The following ROCK2 variants were observed in gnomAD, a reference collection of about 807,000 sequenced individuals.
The protein encoded by ROCK2 is rho-associated protein kinase 2.
In ROCK2, 61 loss-of-function variants were observed where a neutral mutation model predicts 195.1. The observed-to-expected ratio is 0.31, with a 90% CI of 0.25 to 0.39. The LOEUF (loss-of-function observed/expected upper bound fraction) is 0.39, where lower values mean the gene tolerates loss of function less well. Among genes scored for constraint, ROCK2 ranks in the 10% least tolerant of loss-of-function variants. The probability of loss-of-function intolerance (pLI) is 1.00; values close to 1 mark genes in which losing one functional copy is unlikely to be tolerated. For synonymous variants in ROCK2, 504 were observed against 545.5 expected, an observed-to-expected ratio of 0.92 and a Z score of 1.06; for missense variants, 1,109 against 1,637.4, an observed-to-expected ratio of 0.68 and a Z score of 5.57.
At chr2:11,292,759 T>C (rs1406437267) in intron 1 of ROCK2, among the ~76,000 whole-genome samples, 1 of 152,162 alleles carries the variant, frequency 6.6e-6, no homozygotes, top group Non-Finnish European at 1.5e-5. Context: ...ATAACTAAAA[T>C]AGTTGATATG....
At chr2:11,301,688 G>GA (rs548008606) in intron 1 of ROCK2, among the ~76,000 whole-genome samples, 225 of 150,340 alleles carry the variant, frequency 1.5e-3, no homozygotes, top group African/African-American at 5.2e-3. Flanking sequence ...TGAGGGAGGA[G>GA]AATCGCTTGA....
At chr2:11,260,448 C>CAAAA (rs35308782) in intron 3 of ROCK2, among the ~76,000 whole-genome samples, 3,276 of 91,314 alleles carry the variant, frequency 0.036, 112 homozygotes, top group Non-Finnish European at 0.051. Flanking sequence ...ACTCTGTCTC[C>CAAAA]AAAAAAAAAA....
intron 4 of ROCK2, among the ~76,000 whole-genome samples, chr2:11,240,877 C>CTT (rs1665401246): frequency 6.6e-6 from 1 of 152,098 alleles, no homozygotes; most frequent in African/African-American, 2.4e-5. Context: ...ATTTTGAAAA[C>CTT]TTAAATGTGC....
intron 25 of ROCK2, 58 bp downstream of exon 25, chr2:11,198,433 G>C: frequency 8.4e-7 from 1 of 1,195,880 alleles, no homozygotes; most frequent in Non-Finnish European, 1.2e-6. Context: ...GAAGTAAAAT[G>C]TAAAAGAGAT....
At chr2:11,195,229 A>G (rs936728862) in intron 27 of ROCK2, 1 of 333,042 alleles carries the variant, frequency 3.0e-6, no homozygotes, top group African/African-American at 2.1e-5. Flanking sequence ...AGGTTATATC[A>G]TATTGGAAAC....
chr2:11,345,306 G>T (rs1558413195), upstream of ROCK2, among the ~76,000 whole-genome samples: 1 of 152,168 alleles, frequency 6.6e-6, no homozygotes, highest in Non-Finnish European at 1.5e-5. Context: ...ACCGGAAAAA[G>T]GCTTTCCAGC....
At chr2:11,233,106 C>T (rs1460121988) in intron 5 of ROCK2, among the ~76,000 whole-genome samples, 1 of 151,956 alleles carries the variant, frequency 6.6e-6, no homozygotes, top group Non-Finnish European at 1.5e-5. Flanking sequence ...CCCAGCTACT[C>T]AGGAGGCTAA....
At chr2:11,337,500 G>A (rs1254659940) in intron 1 of ROCK2, among the ~76,000 whole-genome samples, 1 of 152,208 alleles carries the variant, frequency 6.6e-6, no homozygotes, top group African/African-American at 2.4e-5. Context: ...CATCATGAGG[G>A]AAATGCAAAT....
chr2:11,251,174 T>C (rs1665817597), intron 3 of ROCK2, among the ~76,000 whole-genome samples: 1 of 152,228 alleles, frequency 6.6e-6, no homozygotes. Context: ...TCGTACTTAT[T>C]ACCATCTTAC....
intron 18 of ROCK2, among the ~76,000 whole-genome samples, chr2:11,211,387 G>C (rs931379198): frequency 2.6e-5 from 4 of 152,090 alleles, no homozygotes; most frequent in African/African-American, 9.7e-5. Flanking sequence ...CGTATACCGA[G>C]TGGTACAGAT....
In ROCK2 at chr2:11,193,769, C is replaced by CT; in HGVS notation, c.3687+9dup. Reference sequence around the variant, plus strand: ...GCCAACCAACCAAATATAAACAAAACTATGTTTACCTGGAATATCCTTGGA... The same window carrying CT: ...GCCAACCAACCAAATATAAACAAAACTTATGTTTACCTGGAATATCCTTGGA... On this transcript the variant is annotated intron_variant, in intron 30 of 32. Coordinates refer to ENST00000315872, the MANE Select transcript of ROCK2 (RefSeq NM_004850.5). 6.6e-7 allele frequency: 1 copy of CT among 1,525,926 alleles called. No individual in the cohort carries two copies. The highest frequency in any genetic ancestry group is 2.4e-5 in the East Asian group (1 of 42,386). 94.5% of individuals were successfully genotyped at this position (1,525,926 alleles called of 1,614,324 possible).
intron 1 of ROCK2, among the ~76,000 whole-genome samples, chr2:11,335,435 CA>C (rs1668900843): frequency 6.6e-6 from 1 of 152,120 alleles, no homozygotes; most frequent in Non-Finnish European, 1.5e-5. Context: ...GCTAGTCCAC[CA>C]AGGGAAAATG....
In ROCK2 at chr2:11,254,702, T is replaced by G. The variant is rs1457039940; in HGVS notation, c.325-4904A>C. Among the ~76,000 whole-genome samples, 6 of 105,806 alleles carry G rather than the reference T, an allele frequency of 5.7e-5. No individual in the cohort carries two copies. In the Admixed American group the frequency reaches 8.8e-4, roughly 16 times the overall value. The allele number at this position is 105,806 out of a possible 152,430, so 69.4% of individuals were successfully genotyped here. On this transcript the variant is annotated intron_variant, in intron 3 of 32. Transcript: ENST00000315872. ...TTAAGCCCAAGAGTTTGAGACAGCCTAGGCAACAGTGAGACCCTGTCTCTT... is the reference window on the plus strand; with the variant it reads ...TTAAGCCCAAGAGTTTGAGACAGCCGAGGCAACAGTGAGACCCTGTCTCTT...
rs531590940 is a variant in ROCK2, at chr2:11,256,464, T to G, written c.325-6666A>C. Among the ~76,000 whole-genome samples, 6 of 151,538 alleles carry G rather than the reference T, an allele frequency of 4.0e-5. No individual in the cohort carries two copies. The East Asian group carries it at 1.2e-3, about 29-fold the overall frequency. On this transcript the variant is annotated intron_variant, in intron 3 of 32. Transcript: ENST00000315872. ...GAGGCCTGCCCAGCCACGCTTCCTG[T>G]ACGGCCTGCAGAACTGTGAGTCAAT...
intron 25 of ROCK2, 88 bp downstream of exon 25, chr2:11,198,400 ACTG>A (rs1186874280): frequency 2.3e-6 from 2 of 885,216 alleles, no homozygotes; most frequent in African/African-American, 3.3e-5. Flanking sequence ...TTCGATGACT[ACTG>A]CTACCAATTT....
At chr2:11,252,658 G>T (rs530313351) in intron 3 of ROCK2, among the ~76,000 whole-genome samples, 1 of 152,154 alleles carries the variant, frequency 6.6e-6, no homozygotes, top group Non-Finnish European at 1.5e-5. Flanking sequence ...GCAGGGACAT[G>T]GATGAAGCTG....
intron 3 of ROCK2, among the ~76,000 whole-genome samples, chr2:11,281,278 A>G (rs1250454655): frequency 1.3e-5 from 2 of 152,078 alleles, no homozygotes; most frequent in African/African-American, 2.4e-5. Flanking sequence ...ATATCTATAA[A>G]AAATCCACAG....
At chr2:11,328,306 G>T (rs1318298171) in intron 1 of ROCK2, among the ~76,000 whole-genome samples, 2 of 150,570 alleles carry the variant, frequency 1.3e-5, no homozygotes, top group African/African-American at 2.5e-5. Context: ...TGCTACATTT[G>T]GGGGGGGAAA....
In ROCK2 at chr2:11,180,830, A is replaced by G. The variant is rs1363483701; in HGVS notation, c.*2607T>C. 1 of 152,246 alleles carries G rather than the reference A, an allele frequency of 6.6e-6. No homozygotes were observed. The highest frequency in any genetic ancestry group is 1.9e-4 in the East Asian group (1 of 5,204). 9.4% of individuals were successfully genotyped at this position (152,246 alleles called of 1,614,324 possible). ...AACACATTGATAGGTGCATGCACTC[A>G]TGTATGTACATGAAAGCGGCAATGC... On this transcript the variant is annotated 3_prime_UTR_variant, in exon 33 of 33. Coordinates refer to ENST00000315872, the MANE Select transcript of ROCK2 (RefSeq NM_004850.5).
Sources: allele counts gnomAD v4.1 joint callset (sites outside exome capture counted in the v4.1 genomes callset), GRCh38; gene constraint gnomAD v4.1.1; transcripts MANE v1.5; gene names NCBI Gene and HGNC (gene_info 2026-07-23, HGNC 2026-07-21).